The following AATK variants were observed in gnomAD, a reference collection of about 807,000 sequenced individuals.
AATK encodes the protein serine/threonine-protein kinase LMTK1.
In AATK, 91 loss-of-function variants were observed where a neutral mutation model predicts 114.3. The observed-to-expected ratio is 0.80, with a 90% CI of 0.67 to 0.95. The LOEUF is 0.95. Ranked by LOEUF, AATK falls within the 40% of genes least tolerant of loss-of-function variation. The probability of loss-of-function intolerance (pLI) is 0.00; values close to 1 mark genes in which losing one functional copy is unlikely to be tolerated. For synonymous variants in AATK, 1,075 were observed against 916.5 expected, an observed-to-expected ratio of 1.17 and a Z score of -3.12; for missense variants, 2,176 against 1,965.2, an observed-to-expected ratio of 1.11 and a Z score of -2.03.
chr17:81,119,413 G>T lies in AATK; in HGVS notation c.4051C>A (p.His1351Asn). The T allele has an allele frequency of 6.5e-7, 1 of 1,547,644 alleles. No individual in the cohort carries two copies. ...GACTCGGCGTCCGAGTCAGACACGT[G>T]CGTGATGGAGAAGCGGGACGTGGGC... ...PAPTSRFSIT[H>N]VSDSDAESKR... The change falls in exon 13 of 14, where the codon CAC becomes AAC. Residue 1351 changes from histidine (H) to asparagine (N), a missense_variant. His to Asn is a moderately conservative substitution (Grantham distance 68, BLOSUM62 1). This residue lies in a region of AATK where 1,701 missense variants were observed against 1,394.7 expected (regional missense o/e 1.22). Coordinates refer to ENST00000326724, the MANE Select transcript of AATK (RefSeq NM_001080395.3).
chr17:81,131,305 G>A, intron 2 of AATK, 100 bp from the exon 3 acceptor site: 1 of 1,430,546 alleles, frequency 7.0e-7, no homozygotes, highest in African/African-American at 1.4e-5. Context: ...AGCTCCCAGG[G>A]CAGGGCAGGA....
intron 2 of AATK, among the ~76,000 whole-genome samples, chr17:81,131,525 C>T (rs879288478): frequency 2.0e-4 from 31 of 152,332 alleles, no homozygotes; most frequent in Non-Finnish European, 4.0e-4. Flanking sequence ...TAGGCACCAG[C>T]GCCTCAGCCT....
chr17:81,160,221 G>A, intron 1 of AATK: 1 of 983,546 alleles, frequency 1.0e-6, no homozygotes, highest in South Asian at 4.7e-5. Flanking sequence ...CATCCTCCCA[G>A]AAACCCCCAC....
chr17:81,137,115 G>T (rs2061022489), intron 1 of AATK, among the ~76,000 whole-genome samples: 1 of 152,062 alleles, frequency 6.6e-6, no homozygotes, highest in African/African-American at 2.4e-5. Flanking sequence ...AAAATTAGCT[G>T]GGTGTGGTGG....
intron 1 of AATK, among the ~76,000 whole-genome samples, chr17:81,149,196 G>C (rs4969405): frequency 6.6e-6 from 1 of 151,850 alleles, no homozygotes. Flanking sequence ...TCCCGGGCTG[G>C]ACCCTCCTCC....
rs145435391 is a variant in AATK at position 81,163,049 on chromosome 17, G to A, written c.55+2889C>T. On this transcript the variant is annotated intron_variant, in intron 1 of 13. Transcript: ENST00000326724. ...TTACAGATGACAAAACAGGCATGGAGAGCCAGTCACAGAAGGGCCCCTCAG... is the reference window on the plus strand; with the variant it reads ...TTACAGATGACAAAACAGGCATGGAAAGCCAGTCACAGAAGGGCCCCTCAG... 3.5e-3 allele frequency among the ~76,000 whole-genome samples: 540 copies of A among 152,220 alleles called. 6 individuals are homozygous for A. Among genetic ancestry groups the A allele is most frequent in the African/African-American group, 0.012 (517 of 41,582 alleles).
Position 81,121,577 on chromosome 17 carries a change from C to T in AATK, c.2359G>A (p.Glu787Lys). ...GGCAGGCGGGGTCCGGTAGTGCCCT[C>T]AGCCTCCGTGGCAAGCTTGGGCTCT... The part of the protein sequence containing the change: ...QAEPKLATEA[E>K]GTTGPRLPLP... The change falls in exon 11 of 14, where the codon GAG (glutamate) becomes AAG (lysine). Residue 787 changes from glutamate to lysine, a missense_variant. Transcript: ENST00000326724. 1.3e-6 allele frequency: 2 copies of T among 1,510,626 alleles called. No individual in the cohort carries two copies. Among genetic ancestry groups the T allele is most frequent in the Non-Finnish European group, 8.9e-7 (1 of 1,129,750 alleles). The allele number at this position is 1,510,626 out of a possible 1,614,324, so 93.6% of individuals were successfully genotyped here.
At chr17:81,128,709 G>A (rs1236946318) in intron 3 of AATK, 160 bp from the exon 4 acceptor site, 8 of 1,449,020 alleles carry the variant, frequency 5.5e-6, no homozygotes, top group African/African-American at 2.8e-5. Context: ...AGGAGCCAGG[G>A]TCTCTTGAGA....
intron 1 of AATK, among the ~76,000 whole-genome samples, chr17:81,152,618 C>T (rs1008203455): frequency 6.6e-6 from 1 of 152,028 alleles, no homozygotes; most frequent in African/African-American, 2.4e-5. Context: ...AGTCCTTTGT[C>T]AGAGAAGAAG....
rs1351757727 is a variant in AATK at position 81,126,279 on chromosome 17, C to T, written c.755+148G>A. On this transcript the variant is annotated intron_variant, in intron 7 of 13. Transcript: ENST00000326724. The surrounding 1 kb of genome is among the most constrained non-coding windows in gnomAD (Gnocchi z 5.1). ...CAATTTTTCAAAAACGTCATAAAAT[C>T]CCTCTGCATAGTGGTTGTCTGATGC... 2 of 1,084,060 alleles carry T rather than the reference C, an allele frequency of 1.8e-6. No homozygotes were observed. Among genetic ancestry groups the T allele is most frequent in the African/African-American group, 1.6e-5 (1 of 62,654 alleles). 67.2% of individuals were successfully genotyped at this position (1,084,060 alleles called of 1,614,324 possible).
Position 81,124,858 on chromosome 17 carries a change from C to A in AATK, c.841-10G>T, listed in dbSNP as rs370797201. On this transcript the variant is annotated splice_polypyrimidine_tract_variant and intron_variant, in intron 8 of 13. Coordinates refer to ENST00000326724, the MANE Select transcript of AATK (RefSeq NM_001080395.3). The stretch of plus-strand genomic sequence containing the variant: ...TCACGAAGTAGTCCTCCTGTTGGCA[C>A]AGGGACGGGTCACCCCTGCCGGCGC... 18 of 1,602,312 alleles carry A rather than the reference C, an allele frequency of 1.1e-5. No individual in the cohort carries two copies. The highest frequency in any genetic ancestry group is 1.5e-5 in the Non-Finnish European group (18 of 1,174,714).
In AATK at chr17:81,121,149, T is replaced by C; in HGVS notation, c.2787A>G (p.Gly929=). The stretch of plus-strand genomic sequence containing the variant: ...CACTGTCCAGCGCTCGCGGCTGCCC[T>C]CCAGAGGGGCCAGTGGCCGACGGGC... ...VFSPSATGPS[G]GQPRALDSGY... The change falls in exon 11 of 14, where the codon GGA becomes GGG. Residue 929 remains glycine (G), a synonymous_variant. Coordinates refer to ENST00000326724, the MANE Select transcript of AATK (RefSeq NM_001080395.3). The C allele has an allele frequency of 6.2e-7, 1 of 1,604,358 alleles. No homozygotes were observed.
chr17:81,138,616 CACAT>C (rs1007536370), intron 1 of AATK, among the ~76,000 whole-genome samples: 6 of 147,528 alleles, frequency 4.1e-5, no homozygotes, highest in South Asian at 2.2e-4. Context: ...ACAACACACA[CACAT>C]ACCCACACAC....
intron 1 of AATK, chr17:81,160,288 G>A: frequency 1.0e-6 from 1 of 984,764 alleles, no homozygotes; most frequent in Non-Finnish European, 1.2e-6. Context: ...TAACCCCAGA[G>A]TGACCCCCGG....
Position 81,122,540 on chromosome 17 carries a change from G to A in AATK, c.1396C>T (p.Leu466=). The change falls in exon 11 of 14, where the codon CTG becomes TTG. Residue 466 remains leucine, a synonymous_variant. Transcript: ENST00000326724. Reference sequence around the variant, plus strand: ...CCTCGGCTGGTCTCGGTCACCGTCAGCACGTCGTCGCCGTCCGCGTGGAAG... The same window carrying A: ...CCTCGGCTGGTCTCGGTCACCGTCAACACGTCGTCGCCGTCCGCGTGGAAG... ...DGFHADGDDV[L]TVTETSRGLN... The A allele has an allele frequency of 1.4e-6, 2 of 1,478,710 alleles. No homozygotes were observed. Among genetic ancestry groups the A allele is most frequent in the East Asian group, 2.9e-5 (1 of 34,388 alleles). The allele number at this position is 1,478,710 out of a possible 1,614,324, so 91.6% of individuals were successfully genotyped here. A position where few individuals can be genotyped will look rare whatever the true frequency, so the allele number is the denominator to read the frequency against.
intron 1 of AATK, among the ~76,000 whole-genome samples, chr17:81,158,238 G>A (rs564865154): frequency 1.3e-5 from 2 of 152,220 alleles, no homozygotes; most frequent in Admixed American, 1.3e-4. Flanking sequence ...GAGCAGGGCG[G>A]GGCCCAGCCT....
intron 6 of AATK, 72 bp downstream of exon 6, chr17:81,127,511 C>T: frequency 6.9e-7 from 1 of 1,459,518 alleles, no homozygotes. Flanking sequence ...GGGGGTGGCA[C>T]CAGACACTGG....
chr17:81,140,563 C>G (rs543718167), intron 1 of AATK, among the ~76,000 whole-genome samples: 1 of 147,548 alleles, frequency 6.8e-6, no homozygotes, highest in South Asian at 2.2e-4. Context: ...GATTGCCAGG[C>G]AAGCCAGGGT....
chr17:81,119,291 C>A (rs986096337), intron 13 of AATK, 89 bp downstream of exon 13: 8 of 1,309,560 alleles, frequency 6.1e-6, no homozygotes, highest in African/African-American at 1.8e-5. Context: ...GCTGGCCCGG[C>A]CCAGGACCTA....
Sources: allele counts gnomAD v4.1 joint callset (sites outside exome capture counted in the v4.1 genomes callset), GRCh38; gene constraint gnomAD v4.1.1; regional missense constraint gnomAD v4.1.1; non-coding constraint Gnocchi (gnomAD v3.1); transcripts MANE v1.5; gene names NCBI Gene and HGNC (gene_info 2026-07-23, HGNC 2026-07-21).